Variants in TCF12 observed in about 807,000 individuals in gnomAD.
The protein encoded by TCF12 is DNA-binding protein HTF4.
Under a neutral mutation model 86.0 loss-of-function variants are expected in TCF12, and 45 were observed. That is an observed-to-expected ratio of 0.52 (90% CI 0.41 to 0.67). The LOEUF is 0.67. TCF12 is among the 30% of genes least tolerant of loss of function. The probability of loss-of-function intolerance (pLI) is 0.00; values close to 1 mark genes in which losing one functional copy is unlikely to be tolerated. For synonymous variants in TCF12, 330 were observed against 299.6 expected (o/e 1.10, Z -1.05); for missense variants, 881 against 859.9 (o/e 1.02, Z -0.31).
intron 4 of TCF12, among the ~76,000 whole-genome samples, chr15:57,076,741 C>G (rs754678464): frequency 7.2e-5 from 11 of 151,988 alleles, no homozygotes; most frequent in Non-Finnish European, 1.5e-4. Flanking sequence ...AGTTTGACTG[C>G]TAGTAGCAGT....
At chr15:57,176,716 G>C (rs535040972) in intron 6 of TCF12, among the ~76,000 whole-genome samples, 47 of 152,270 alleles carry the variant, frequency 3.1e-4, no homozygotes, top group African/African-American at 1.1e-3. Flanking sequence ...TACTAGACCA[G>C]GTTTCAAAGG....
intron 5 of TCF12, among the ~76,000 whole-genome samples, chr15:57,098,704 T>C (rs755589491): frequency 4.6e-5 from 7 of 152,194 alleles, no homozygotes; most frequent in Middle Eastern, 3.2e-3. Context: ...GTGGGTCACA[T>C]TTATTCCAGT....
intron 5 of TCF12, among the ~76,000 whole-genome samples, chr15:57,128,238 C>A (rs1302193312): frequency 6.6e-6 from 1 of 152,140 alleles, no homozygotes; most frequent in Non-Finnish European, 1.5e-5. Flanking sequence ...TGTAATTGTA[C>A]TCCTTTTTCG....
chr15:57,161,687 A>G (rs1275200312), intron 5 of TCF12, among the ~76,000 whole-genome samples: 1 of 152,230 alleles, frequency 6.6e-6, no homozygotes, highest in African/African-American at 2.4e-5. Context: ...CTTTATTTTT[A>G]CCAATCTCTA....
intron 5 of TCF12, among the ~76,000 whole-genome samples, chr15:57,142,708 T>C (rs2151416289): frequency 6.6e-6 from 1 of 152,332 alleles, no homozygotes; most frequent in East Asian, 1.9e-4. Flanking sequence ...ACTTTTCAGT[T>C]GAGGAGCCTT....
intron 5 of TCF12, among the ~76,000 whole-genome samples, chr15:57,156,245 C>T (rs1290959543): frequency 6.6e-6 from 1 of 152,176 alleles, no homozygotes; most frequent in East Asian, 1.9e-4. Flanking sequence ...AAGGGTATGT[C>T]TTATTAATAG....
At chr15:57,231,800 A>C (rs1320721560) in intron 9 of TCF12, among the ~76,000 whole-genome samples, 2 of 152,188 alleles carry the variant, frequency 1.3e-5, no homozygotes, top group African/African-American at 4.8e-5. Flanking sequence ...TATATTGTTG[A>C]GTGGAGTCAT....
At chr15:57,166,772 G>T (rs2054926657) in intron 6 of TCF12, among the ~76,000 whole-genome samples, 1 of 152,104 alleles carries the variant, frequency 6.6e-6, no homozygotes, top group Non-Finnish European at 1.5e-5. Context: ...AACGTAATTG[G>T]TGGTACATAA....
chr15:57,290,277 A>G (rs1298658618), downstream of TCF12, among the ~76,000 whole-genome samples: 1 of 144,386 alleles, frequency 6.9e-6, no homozygotes, highest in Non-Finnish European at 1.5e-5. Flanking sequence ...CGGGAGGTGG[A>G]GGTTTCAGTG....
chr15:57,238,809 A>T (rs1422894517), intron 12 of TCF12, among the ~76,000 whole-genome samples: 7 of 152,198 alleles, frequency 4.6e-5, no homozygotes, highest in African/African-American at 1.7e-4. Context: ...AGTCAAGGAG[A>T]GAAGACAGAT....
At chr15:57,225,722 C>T (rs1318566792) in intron 8 of TCF12, among the ~76,000 whole-genome samples, 1 of 151,952 alleles carries the variant, frequency 6.6e-6, no homozygotes, top group Non-Finnish European at 1.5e-5. Context: ...GTTATTAAAG[C>T]AAAATTTTAT....
chr15:56,994,561 T>C (rs1227555356), intron 3 of TCF12, among the ~76,000 whole-genome samples: 16 of 152,016 alleles, frequency 1.1e-4, no homozygotes, highest in African/African-American at 3.9e-4. Context: ...AAAAAAACTA[T>C]TGAAAGCAGC....
chr15:57,277,571 A>G (rs986424447), intron 19 of TCF12, among the ~76,000 whole-genome samples: 5 of 149,480 alleles, frequency 3.3e-5, no homozygotes, highest in East Asian at 3.9e-4. Context: ...AGAGGTTGCA[A>G]TGAGCCGAGA....
At chr15:57,011,493 T>C (rs1288785485) in intron 3 of TCF12, among the ~76,000 whole-genome samples, 1 of 152,162 alleles carries the variant, frequency 6.6e-6, no homozygotes, top group Non-Finnish European at 1.5e-5. Flanking sequence ...AAACCTCTGT[T>C]CTTTGTAAAT....
Position 57,131,377 on chromosome 15 carries a change from T to C in TCF12, c.326-35025T>C, listed in dbSNP as rs139611463. Among the ~76,000 whole-genome samples, 946 of 152,342 alleles carry C rather than the reference T, an allele frequency of 6.2e-3. 6 individuals are homozygous for C. Among genetic ancestry groups the C allele is most frequent in the Non-Finnish European group, 0.01 (713 of 68,042 alleles). ...GTGTTAGTTACTTCAGAAAATTGTT[T>C]GGAGAGGTTTTATGATCTTTTTATT... On this transcript the variant is annotated intron_variant, in intron 5 of 20. Coordinates refer to ENST00000333725, the MANE Select transcript of TCF12 (RefSeq NM_207037.2).
intron 18 of TCF12, among the ~76,000 whole-genome samples, chr15:57,269,019 T>G (rs1252355186): frequency 7.9e-5 from 12 of 152,002 alleles, no homozygotes; most frequent in Non-Finnish European, 1.3e-4. Flanking sequence ...GGGTGGAGAG[T>G]TCTGTAGATG....
At chr15:57,223,324 A>G (rs753905382) in intron 8 of TCF12, among the ~76,000 whole-genome samples, 5 of 152,112 alleles carry the variant, frequency 3.3e-5, no homozygotes, top group East Asian at 1.9e-4. Context: ...TATCCTGACT[A>G]CCCATTTACA....
chr15:57,233,789 T>G (rs1278475394), intron 11 of TCF12, among the ~76,000 whole-genome samples: 1 of 152,220 alleles, frequency 6.6e-6, no homozygotes, highest in Non-Finnish European at 1.5e-5. Context: ...GGCCCCTCTT[T>G]CGATATATTT....
Position 57,286,924 on chromosome 15 carries a change from G to C in TCF12, c.*779G>C. The C allele has an allele frequency of 4.3e-6, 1 of 233,564 alleles. No individual in the cohort carries two copies. Among genetic ancestry groups the C allele is most frequent in the South Asian group, 5.2e-5 (1 of 19,316 alleles). 14.5% of individuals were successfully genotyped at this position (233,564 alleles called of 1,614,324 possible). On this transcript the variant is annotated 3_prime_UTR_variant, in exon 21 of 21. Coordinates refer to ENST00000333725, the MANE Select transcript of TCF12 (RefSeq NM_207037.2). ...CACATTTACCTTACAGTGGTAAGCAGAGACCATCTGTGACCATAGCCTAGC... is the reference window on the plus strand; with the variant it reads ...CACATTTACCTTACAGTGGTAAGCACAGACCATCTGTGACCATAGCCTAGC...
Sources: allele counts gnomAD v4.1 joint callset (sites outside exome capture counted in the v4.1 genomes callset), GRCh38; gene constraint gnomAD v4.1.1; transcripts MANE v1.5; gene names NCBI Gene and HGNC (gene_info 2026-07-23, HGNC 2026-07-21).